The following YTHDC2 variants were observed in gnomAD, a reference collection of about 807,000 sequenced individuals.
The protein encoded by YTHDC2 is YTH N6-methyladenosine RNA binding protein C2, also known as 3'-5' RNA helicase YTHDC2.
In YTHDC2, 45 loss-of-function variants were observed where a neutral mutation model predicts 174.9. The ratio of observed to expected loss-of-function variants is 0.26; its 90% CI spans 0.20 to 0.33. YTHDC2 has a LOEUF of 0.33. Ranked by LOEUF, YTHDC2 falls within the 10% of genes least tolerant of loss-of-function variation. YTHDC2 has a pLI of 1.00. For synonymous variants in YTHDC2, 657 were observed against 574.5 expected (o/e 1.14, Z -2.05); for missense variants, 1,650 against 1,723.7 (o/e 0.96, Z 0.76).
At chr5:113,554,251 GTA>G (rs1484879575) in intron 16 of YTHDC2, among the ~76,000 whole-genome samples, 19 of 151,988 alleles carry the variant, frequency 1.3e-4, no homozygotes, top group African/African-American at 4.6e-4. Flanking sequence ...AAATAATTCA[GTA>G]TATAGAATCA....
At chr5:113,558,753 C>G (rs1403931428) in intron 17 of YTHDC2, among the ~76,000 whole-genome samples, 2 of 151,898 alleles carry the variant, frequency 1.3e-5, no homozygotes, top group African/African-American at 2.4e-5. Context: ...GAAACCCTGT[C>G]TCTAATAAAA....
chr5:113,579,487 A>C, intron 23 of YTHDC2, 99 bp from the exon 24 acceptor site: 1 of 717,256 alleles, frequency 1.4e-6, no homozygotes, highest in Non-Finnish European at 2.2e-6. Flanking sequence ...GTTGTATGTC[A>C]GGAGGGTTTG....
rs980973492 is a variant in YTHDC2 at position 113,559,767 on chromosome 5, G to A, written c.2217-1313G>A. On this transcript the variant is annotated intron_variant, in intron 17 of 29. Transcript: ENST00000161863. ...GGAAATTTTAAACAATTGGAATCAAGGTCCTGAAGCATTTCTTGGAAGAAT... is the reference window on the plus strand; with the variant it reads ...GGAAATTTTAAACAATTGGAATCAAAGTCCTGAAGCATTTCTTGGAAGAAT... Among the ~76,000 whole-genome samples the A allele has an allele frequency of 7.2e-5, 11 of 152,184 alleles. 1 individual carries two copies. The highest frequency in any genetic ancestry group is 4.1e-4 in the South Asian group (2 of 4,830).
At chr5:113,542,549 G>T in intron 10 of YTHDC2, 46 bp downstream of exon 10, 1 of 1,537,316 alleles carries the variant, frequency 6.5e-7, no homozygotes, top group Non-Finnish European at 8.8e-7. Context: ...AGTTATTTAT[G>T]GTGGAAGTAT....
intron 23 of YTHDC2, among the ~76,000 whole-genome samples, chr5:113,579,261 T>TAC (rs1778248350): frequency 6.6e-6 from 1 of 152,192 alleles, no homozygotes; most frequent in Admixed American, 6.5e-5. Flanking sequence ...GTTTTTGATA[T>TAC]GTAGTATAGT....
In YTHDC2 at chr5:113,539,084, A is replaced by G; in HGVS notation, c.1113A>G (p.Arg371=). 4 of 1,407,108 alleles carry G rather than the reference A, an allele frequency of 2.8e-6. No individual in the cohort carries two copies. Among genetic ancestry groups the G allele is most frequent in the Non-Finnish European group, 2.9e-6 (3 of 1,046,360 alleles). 87.2% of individuals were successfully genotyped at this position (1,407,108 alleles called of 1,614,324 possible). Residue 371 remains arginine (R), a synonymous_variant, in exon 8 of 30, where the codon AGA becomes AGG. Transcript: ENST00000161863. ...GSCPVIYIQG[R]PFEVKEMFLE... is the part of the protein sequence containing the mutation. ...TTTTTTATTATTTAGTACAGGGAAG[A>G]CCATTTGAAGTAAAAGAAATGTTTC...
chr5:113,519,056 A>C (rs1346942679), intron 2 of YTHDC2, among the ~76,000 whole-genome samples: 4 of 143,512 alleles, frequency 2.8e-5, no homozygotes, highest in Admixed American at 2.1e-4. Flanking sequence ...TTTTTTTTTT[A>C]GAGATGGGGT....
Position 113,592,134 on chromosome 5 carries a change from C to T in YTHDC2, c.4168C>T (p.Pro1390Ser), listed in dbSNP as rs1779035171. 1 of 1,612,584 alleles carries T rather than the reference C, an allele frequency of 6.2e-7. No homozygotes were observed. Among genetic ancestry groups the T allele is most frequent in the East Asian group, 2.2e-5 (1 of 44,794 alleles). Residue 1390 changes from proline to serine, a missense_variant, in exon 28 of 30, where the codon CCA (proline) becomes TCA (serine). Physicochemically the swap from Pro to Ser is moderately conservative, Grantham distance 74. Transcript: ENST00000161863. The stretch of plus-strand genomic sequence containing the variant: ...TCAATTTGCACACCATTTACTCAAT[C>T]CATGGAATGACAACAAGAAAGTGCA... ...PFQFAHHLLN[P>S]WNDNKKVQIS...
At chr5:113,564,385 T>C (rs1335586206) in intron 20 of YTHDC2, among the ~76,000 whole-genome samples, 1 of 152,224 alleles carries the variant, frequency 6.6e-6, no homozygotes, top group Non-Finnish European at 1.5e-5. Flanking sequence ...TATTTGTGTT[T>C]ATGCTTCTAT....
intron 3 of YTHDC2, among the ~76,000 whole-genome samples, chr5:113,526,229 C>T (rs1376432644): frequency 6.6e-6 from 1 of 151,880 alleles, no homozygotes; most frequent in African/African-American, 2.4e-5. Flanking sequence ...AAATTTATAA[C>T]AAGCCTAAAA....
At chr5:113,581,093 A>G (rs1778376505) in intron 24 of YTHDC2, among the ~76,000 whole-genome samples, 1 of 152,158 alleles carries the variant, frequency 6.6e-6, no homozygotes, top group South Asian at 2.1e-4. Context: ...TGGATGTTCT[A>G]CAGGCACTAA....
At chr5:113,555,707 G>A (rs1246701885) in intron 16 of YTHDC2, among the ~76,000 whole-genome samples, 2 of 152,142 alleles carry the variant, frequency 1.3e-5, no homozygotes, top group Non-Finnish European at 2.9e-5. Flanking sequence ...AAATCTGATA[G>A]GAAAGTGACC....
At chr5:113,537,310 C>G (rs1775147748) in intron 7 of YTHDC2, among the ~76,000 whole-genome samples, 1 of 149,676 alleles carries the variant, frequency 6.7e-6, no homozygotes, top group Admixed American at 6.7e-5. Flanking sequence ...AAATTTTAGG[C>G]AAAAATCTTA....
chr5:113,586,823 C>G (rs1485965631), intron 26 of YTHDC2, among the ~76,000 whole-genome samples: 2 of 145,498 alleles, frequency 1.4e-5, no homozygotes, highest in East Asian at 3.9e-4. Flanking sequence ...AATATGTGGT[C>G]TACTTATTGG....
chr5:113,555,891 A>G (rs1458535549), intron 16 of YTHDC2, among the ~76,000 whole-genome samples, 161 bp from the exon 17 acceptor site: 4 of 152,162 alleles, frequency 2.6e-5, no homozygotes, highest in Non-Finnish European at 5.9e-5. Flanking sequence ...GTAACCAGAA[A>G]ATCAGGGTTT....
At chr5:113,552,350 C>T (rs1410103645) in intron 12 of YTHDC2, among the ~76,000 whole-genome samples, 1 of 152,092 alleles carries the variant, frequency 6.6e-6, no homozygotes, top group African/African-American at 2.4e-5. Context: ...CCCAACTCTC[C>T]TAGGCCTCCT....
At chr5:113,589,418 T>A (rs1040197275) in intron 26 of YTHDC2, among the ~76,000 whole-genome samples, 1,701 of 142,126 alleles carry the variant, frequency 0.012, 36 homozygotes, top group African/African-American at 0.041. Context: ...AATATATATA[T>A]ATATATATAT....
At position 113,593,165 on chromosome 5, in the gene YTHDC2, C is replaced by G. The variant is rs547984842; in HGVS notation, c.4213-138C>G. 3 of 611,654 alleles carry G rather than the reference C, an allele frequency of 4.9e-6. No homozygotes were observed. In the Admixed American group the frequency reaches 8.3e-5, roughly 17 times the overall value. 37.9% of individuals were successfully genotyped at this position (611,654 alleles called of 1,614,324 possible). A position where few individuals can be genotyped will look rare whatever the true frequency, so the allele number is the denominator to read the frequency against. ...AAGCAAAGAATTAGAACAATTCATA[C>G]CAGATGATTTTAGCATACGCTGGTA... is the stretch of plus-strand genomic sequence containing the variant. On this transcript the variant is annotated intron_variant, in intron 28 of 29. Transcript: ENST00000161863.
chr5:113,518,556 CGTGTGTGTGTGT>C lies in YTHDC2; in HGVS notation c.278+3227_278+3238del, dbSNP rs67062871. On this transcript the variant is annotated intron_variant, in intron 2 of 29. Coordinates refer to ENST00000161863, the MANE Select transcript of YTHDC2 (RefSeq NM_022828.5). ...TTTATTGATTCAGTAAGTTAGTTTT[CGTGTGTGTGTGT>C]GTGTGTGTGTGTGTGTGTGTGTGTG... Among the ~76,000 whole-genome samples the C allele has an allele frequency of 2.3e-3, 338 of 144,564 alleles. 2 individuals are homozygous for C. Among genetic ancestry groups the C allele is most frequent in the African/African-American group, 6.4e-3 (251 of 39,506 alleles). 94.8% of individuals were successfully genotyped at this position (144,564 alleles called of 152,430 possible). A position where few individuals can be genotyped will look rare whatever the true frequency, so the allele number is the denominator to read the frequency against.
Sources: gnomAD v4.1 joint callset for allele counts (sites outside exome capture counted in the v4.1 genomes callset) on GRCh38, gnomAD v4.1.1 for gene constraint, MANE v1.5 for transcripts, NCBI Gene and HGNC (gene_info 2026-07-23, HGNC 2026-07-21) for gene names.